The following NBEA variants were observed in gnomAD, a reference collection of about 807,000 sequenced individuals.
NBEA encodes neurobeachin, also known as lysosomal-trafficking regulator 2.
In NBEA, 44 loss-of-function variants were observed where a neutral mutation model predicts 343.4. That is an observed-to-expected ratio of 0.13 (90% CI 0.10 to 0.16). NBEA has a LOEUF of 0.16. Ranked by LOEUF, NBEA falls within the 10% of genes least tolerant of loss-of-function variation. The pLI, the probability that NBEA is intolerant of heterozygous loss-of-function variation, is 1.00. For missense variants in NBEA, 2,555 were observed against 3,631.3 expected (o/e 0.70, Z 7.62); for synonymous variants, 1,175 against 1,238.7 (o/e 0.95, Z 1.08).
At chr13:35,019,694 A>G (rs1363956426) in intron 1 of NBEA, among the ~76,000 whole-genome samples, 2 of 152,176 alleles carry the variant, frequency 1.3e-5, no homozygotes, top group Non-Finnish European at 2.9e-5. Context: ...TATAATAGAT[A>G]TAGGACTATT....
chr13:35,346,908 C>T (rs1249290571), intron 36 of NBEA, among the ~76,000 whole-genome samples: 1 of 152,022 alleles, frequency 6.6e-6, no homozygotes, highest in African/African-American at 2.4e-5. Context: ...ATTTACATTA[C>T]CACCCTAAAA....
At chr13:35,157,480 A>G (rs1181141911) in intron 21 of NBEA, among the ~76,000 whole-genome samples, 2 of 152,164 alleles carry the variant, frequency 1.3e-5, no homozygotes, top group Non-Finnish European at 2.9e-5. Flanking sequence ...TTTATAAATC[A>G]GGAGTTTTAT....
intron 10 of NBEA, among the ~76,000 whole-genome samples, chr13:35,075,684 T>A (rs2064082643): frequency 6.8e-6 from 1 of 146,110 alleles, no homozygotes; most frequent in South Asian, 2.1e-4. Flanking sequence ...TAAGATTACC[T>A]TGCTAATTAA....
intron 34 of NBEA, among the ~76,000 whole-genome samples, chr13:35,240,582 A>G (rs2152777834): frequency 1.3e-5 from 2 of 152,074 alleles, no homozygotes. Flanking sequence ...TGCAATACAA[A>G]TTGAGTTGGT....
At chr13:35,616,417 C>G (rs2082742986) in intron 48 of NBEA, among the ~76,000 whole-genome samples, 1 of 152,156 alleles carries the variant, frequency 6.6e-6, no homozygotes. Flanking sequence ...AGATGGCCTC[C>G]AAACACCTAA....
rs71196581 is a variant in NBEA, at chr13:35,594,947, T to TCACACA, written c.7296+1539_7296+1544dup. Among the ~76,000 whole-genome samples the TCACACA allele has an allele frequency of 7.7e-3, 854 of 111,106 alleles. 11 individuals carry two copies. Among genetic ancestry groups the TCACACA allele is most frequent in the African/African-American group, 0.024 (737 of 31,358 alleles). The allele number at this position is 111,106 out of a possible 152,430, so 72.9% of individuals were successfully genotyped here. On this transcript the variant is annotated intron_variant, in intron 47 of 58. Transcript: ENST00000379939. The stretch of plus-strand genomic sequence containing the variant: ...GCCTGCTCACTGTTGTTTGACATCA[T>TCACACA]CACACACACACACACACACACACAC...
At chr13:35,093,315 CA>C (rs34323263) in intron 10 of NBEA, among the ~76,000 whole-genome samples, 130,376 of 141,372 alleles carry the variant, frequency 0.92, 60,229 homozygotes, top group Non-Finnish European at 0.98. Flanking sequence ...ACTGGTACAC[CA>C]AAAAAAAAAA....
At chr13:35,040,843 T>C in intron 1 of NBEA, 90 bp from the exon 2 acceptor site, 1 of 1,075,814 alleles carries the variant, frequency 9.3e-7, no homozygotes. Flanking sequence ...TTTTTTAGAG[T>C]AGTAGCTTTG....
At chr13:35,146,621 C>A (rs535246713) in intron 18 of NBEA, among the ~76,000 whole-genome samples, 1 of 151,994 alleles carries the variant, frequency 6.6e-6, no homozygotes, top group East Asian at 1.9e-4. Flanking sequence ...ACAGGTATTG[C>A]GCCTGTGTCA....
At chr13:35,574,114 A>G (rs1037900752) in intron 45 of NBEA, among the ~76,000 whole-genome samples, 1 of 152,150 alleles carries the variant, frequency 6.6e-6, no homozygotes, top group Admixed American at 6.5e-5. Context: ...GATAATGATA[A>G]TAATAATAGC....
intron 18 of NBEA, among the ~76,000 whole-genome samples, chr13:35,151,124 A>AG (rs951383024): frequency 6.6e-6 from 1 of 151,050 alleles, no homozygotes; most frequent in African/African-American, 2.4e-5. Flanking sequence ...TAAAAAAAAA[A>AG]AAAAAAGAAA....
At position 35,445,810 on chromosome 13, in the gene NBEA, A is replaced by ATG. The variant is rs1555267186; in HGVS notation, c.6305-6281_6305-6280insGT. On this transcript the variant is annotated intron_variant, in intron 39 of 58. Coordinates refer to ENST00000379939, the MANE Select transcript of NBEA (RefSeq NM_001385012.1). The stretch of plus-strand genomic sequence containing the variant: ...TATATATATATATATATATATATAT[A>ATG]TATATATGTATATATATATATTATA... 3.0e-4 allele frequency among the ~76,000 whole-genome samples: 40 copies of ATG among 135,470 alleles called. 1 individual carries two copies. In the South Asian group the frequency reaches 8.8e-3, roughly 30 times the overall value. The allele number at this position is 135,470 out of a possible 152,430, so 88.9% of individuals were successfully genotyped here.
intron 36 of NBEA, among the ~76,000 whole-genome samples, chr13:35,333,202 G>A (rs764335084): frequency 2.0e-5 from 3 of 151,928 alleles, no homozygotes; most frequent in South Asian, 2.1e-4. Flanking sequence ...GATCTCTAAG[G>A]GCTGCAAAGG....
At chr13:35,290,632 A>C (rs2035744974) in intron 35 of NBEA, among the ~76,000 whole-genome samples, 182 bp downstream of exon 35, 1 of 151,314 alleles carries the variant, frequency 6.6e-6, no homozygotes, top group African/African-American at 2.4e-5. Flanking sequence ...TTACCATGTA[A>C]ATATTGACTT....
chr13:34,948,540 G>T (rs2059256862), intron 1 of NBEA, among the ~76,000 whole-genome samples: 2 of 152,084 alleles, frequency 1.3e-5, no homozygotes, highest in African/African-American at 2.4e-5. Flanking sequence ...ATTTACTATT[G>T]TTATTTATTT....
At chr13:35,568,020 A>G (rs1200185590) in intron 45 of NBEA, among the ~76,000 whole-genome samples, 1 of 152,186 alleles carries the variant, frequency 6.6e-6, no homozygotes, top group Non-Finnish European at 1.5e-5. Context: ...TCCCATTTGT[A>G]ATATGAGAAT....
At chr13:35,053,492 G>GTAT (rs1458663744) in intron 6 of NBEA, among the ~76,000 whole-genome samples, 9 of 151,682 alleles carry the variant, frequency 5.9e-5, no homozygotes, top group Non-Finnish European at 1.5e-5. Context: ...TTCCTTCCCA[G>GTAT]TTACTTATAG....
At chr13:35,059,573 AG>A (rs2063388962) in intron 8 of NBEA, among the ~76,000 whole-genome samples, 1 of 151,862 alleles carries the variant, frequency 6.6e-6, no homozygotes, top group Admixed American at 6.6e-5. Flanking sequence ...TTATAGTCAA[AG>A]TGTTTATAAT....
intron 39 of NBEA, among the ~76,000 whole-genome samples, chr13:35,445,876 T>G (rs1464336651): frequency 4.0e-5 from 6 of 149,220 alleles, no homozygotes; most frequent in African/African-American, 1.5e-4. Flanking sequence ...TGCAGGTTTG[T>G]TACATATGTA....
Sources: gnomAD v4.1 joint callset for allele counts (sites outside exome capture counted in the v4.1 genomes callset) on GRCh38, gnomAD v4.1.1 for gene constraint, MANE v1.5 for transcripts, NCBI Gene and HGNC (gene_info 2026-07-23, HGNC 2026-07-21) for gene names.